Variants in NCOR1 observed in about 807,000 individuals in gnomAD.
NCOR1 encodes the protein protein phosphatase 1, regulatory subunit 109.
In NCOR1, 63 loss-of-function variants were observed where a neutral mutation model predicts 288.1. That is an observed-to-expected ratio of 0.22 (90% CI 0.18 to 0.27). NCOR1 has a LOEUF of 0.27. Ranked by LOEUF, NCOR1 falls within the 10% of genes least tolerant of loss-of-function variation. The pLI is 1.00. For missense variants in NCOR1, 2,397 were observed against 3,019.2 expected (o/e 0.79, Z 4.83); for synonymous variants, 1,007 against 1,065.9 (o/e 0.94, Z 1.08).
chr17:16,079,864 G>A, intron 26 of NCOR1, 100 bp downstream of exon 26: 1 of 986,850 alleles, frequency 1.0e-6, no homozygotes, highest in Admixed American at 1.9e-5. Flanking sequence ...CCATAATGCA[G>A]AAAAATGAAC....
At chr17:16,070,614 G>C in intron 30 of NCOR1, 89 bp from the exon 31 acceptor site, 2 of 1,498,404 alleles carry the variant, frequency 1.3e-6, no homozygotes, top group Non-Finnish European at 1.8e-6. Flanking sequence ...GGCAGTTACA[G>C]TTCACTGTGG....
At chr17:16,079,928 C>G (rs754299815) in intron 26 of NCOR1, 36 bp downstream of exon 26, 2 of 1,521,828 alleles carry the variant, frequency 1.3e-6, no homozygotes, top group Non-Finnish European at 1.8e-6. Flanking sequence ...TTTTCCTGAG[C>G]TTCTGTTGAG....
intron 26 of NCOR1, among the ~76,000 whole-genome samples, chr17:16,077,712 A>G (rs2062779416): frequency 6.6e-6 from 1 of 152,166 alleles, no homozygotes; most frequent in Admixed American, 6.5e-5. Flanking sequence ...TTTTTATGCT[A>G]CAGGAATGAA....
intron 1 of NCOR1, among the ~76,000 whole-genome samples, chr17:16,209,611 G>A (rs1355582540): frequency 7.1e-6 from 1 of 140,840 alleles, no homozygotes; most frequent in Non-Finnish European, 1.5e-5. Context: ...TACAGAAAAT[G>A]AATATTACAA....
Position 16,061,828 on chromosome 17 carries a change from C to T in NCOR1, c.5454G>A (p.Ala1818=), listed in dbSNP as rs147365785. 1.2e-4 allele frequency: 191 copies of T among 1,614,170 alleles called. 1 individual carries two copies. The African/African-American group carries it at 2.3e-3, about 19-fold the overall frequency. Residue 1818 remains alanine, a synonymous_variant, in exon 37 of 46, where the codon GCG becomes GCA. Coordinates refer to ENST00000268712, the MANE Select transcript of NCOR1 (RefSeq NM_006311.4). ...GLPASRYNTA[A]DALAALVDAA... is the part of the protein sequence containing the mutation. ...CATCCACAAGAGCAGCCAGGGCATC[C>T]GCAGCAGTGTTGTAACGGGAGGCTG...
At chr17:16,174,773 T>C (rs2083781868) in intron 3 of NCOR1, among the ~76,000 whole-genome samples, 1 of 152,224 alleles carries the variant, frequency 6.6e-6, no homozygotes, top group Non-Finnish European at 1.5e-5. Context: ...TTTAAATTAA[T>C]GTATTTGCCT....
At chr17:16,044,431 CTTTCT>C (rs1448224716) in intron 42 of NCOR1, 1 of 471,580 alleles carries the variant, frequency 2.1e-6, no homozygotes, top group Non-Finnish European at 4.4e-6. Context: ...CCCCACTTTC[CTTTCT>C]TTTGACAGGA....
intron 1 of NCOR1, among the ~76,000 whole-genome samples, chr17:16,202,897 C>T (rs2091017269): frequency 6.6e-6 from 1 of 152,160 alleles, no homozygotes; most frequent in Non-Finnish European, 1.5e-5. Context: ...TATTTTGGTA[C>T]ACACCTTAGA....
At chr17:16,209,714 G>A (rs1244385192) in intron 1 of NCOR1, among the ~76,000 whole-genome samples, 1 of 151,248 alleles carries the variant, frequency 6.6e-6, no homozygotes, top group East Asian at 1.9e-4. Flanking sequence ...CACTTTGGGA[G>A]GCCAAGGCGG....
rs768055311 is a variant in NCOR1, at chr17:16,032,278, C to CCCCT, written c.*14_*17dup. ...AGAGATCCCTCTCCTGCACCCTGTTCCCCTCACTTTGTGCAGTTCAGTCAT... is the reference window on the plus strand; with the variant it reads ...AGAGATCCCTCTCCTGCACCCTGTTCCCCTCCCTCACTTTGTGCAGTTCAGTCAT... On this transcript the variant is annotated 3_prime_UTR_variant, in exon 46 of 46. Coordinates refer to ENST00000268712, the MANE Select transcript of NCOR1 (RefSeq NM_006311.4). The CCCCT allele has an allele frequency of 6.3e-7, 1 of 1,590,174 alleles. No individual in the cohort carries two copies. Among genetic ancestry groups the CCCCT allele is most frequent in the Non-Finnish European group, 8.5e-7 (1 of 1,171,716 alleles).
At chr17:16,149,953 T>C (rs185510466) in intron 8 of NCOR1, among the ~76,000 whole-genome samples, 52 of 152,204 alleles carry the variant, frequency 3.4e-4, no homozygotes, top group Non-Finnish European at 6.5e-4. Context: ...CCAACATATG[T>C]AGAGATAGGT....
Position 16,030,588 on chromosome 17 carries a change from G to A in NCOR1, c.*1708C>T, listed in dbSNP as rs566274567. On this transcript the variant is annotated 3_prime_UTR_variant, in exon 46 of 46. Transcript: ENST00000268712. ...TTTTATATGTTTACATATATCTGTT[G>A]TAAAAAATACCAACTTTCCAAGTAC... The A allele has an allele frequency of 5.4e-6, 1 of 183,722 alleles. No individual in the cohort carries two copies. Among genetic ancestry groups the A allele is most frequent in the African/African-American group, 2.4e-5 (1 of 42,422 alleles). The allele number at this position is 183,722 out of a possible 1,614,324, so 11.4% of individuals were successfully genotyped here.
intron 1 of NCOR1, among the ~76,000 whole-genome samples, chr17:16,203,802 G>A (rs138222025): frequency 0.015 from 2,296 of 152,284 alleles, 20 homozygotes; most frequent in Middle Eastern, 0.027. Flanking sequence ...GAAGCAAAGT[G>A]TGAAAATCTA....
chr17:16,180,822 A>G (rs2085250056), intron 3 of NCOR1, among the ~76,000 whole-genome samples: 1 of 152,018 alleles, frequency 6.6e-6, no homozygotes. Context: ...AATAGTTCAT[A>G]TATAGAAACA....
intron 42 of NCOR1, among the ~76,000 whole-genome samples, chr17:16,041,922 G>C (rs1247581943): frequency 1.3e-5 from 2 of 151,974 alleles, no homozygotes; most frequent in Non-Finnish European, 2.9e-5. Context: ...ATTTTTAGTA[G>C]AGATGGGATT....
intron 22 of NCOR1, chr17:16,087,414 A>G: frequency 2.9e-6 from 3 of 1,044,738 alleles, no homozygotes; most frequent in Non-Finnish European, 4.0e-6. Flanking sequence ...GAAAGGACCA[A>G]GCCCACACCA....
chr17:16,181,992 G>A (rs931572279), intron 3 of NCOR1, among the ~76,000 whole-genome samples: 1 of 152,022 alleles, frequency 6.6e-6, no homozygotes, highest in East Asian at 1.9e-4. Context: ...TGTATCAAAG[G>A]AGAAACTATT....
intron 27 of NCOR1, among the ~76,000 whole-genome samples, chr17:16,075,055 A>C (rs1310131954): frequency 6.6e-6 from 1 of 152,066 alleles, no homozygotes; most frequent in Non-Finnish European, 1.5e-5. Flanking sequence ...TTTTTAGTAG[A>C]GACAGGGTTT....
chr17:16,081,169 CTTT>C (rs1276395100), intron 23 of NCOR1, among the ~76,000 whole-genome samples: 1 of 147,840 alleles, frequency 6.8e-6, no homozygotes, highest in African/African-American at 2.5e-5. Flanking sequence ...AAGAATCAAC[CTTT>C]TTTTTTCTTT....
Sources: allele counts gnomAD v4.1 joint callset (sites outside exome capture counted in the v4.1 genomes callset), GRCh38; gene constraint gnomAD v4.1.1; transcripts MANE v1.5; gene names NCBI Gene and HGNC (gene_info 2026-07-23, HGNC 2026-07-21).